Variants in MPRIP observed in about 807,000 individuals in gnomAD.
MPRIP encodes myosin phosphatase Rho-interacting protein.
Under a neutral mutation model 234.9 loss-of-function variants are expected in MPRIP, and 59 were observed. The observed-to-expected ratio is 0.25, with a 90% CI of 0.20 to 0.31. MPRIP has a LOEUF of 0.31. MPRIP is among the 10% of genes least tolerant of loss of function. The pLI, the probability that MPRIP is intolerant of heterozygous loss-of-function variation, is 1.00. For synonymous variants in MPRIP, 1,144 were observed against 1,263.9 expected, an observed-to-expected ratio of 0.91 and a Z score of 2.01; for missense variants, 2,436 against 3,071.0, an observed-to-expected ratio of 0.79 and a Z score of 4.89.
chr17:17,110,085 G>A (rs1431158573), intron 3 of MPRIP, among the ~76,000 whole-genome samples: 2 of 152,104 alleles, frequency 1.3e-5, no homozygotes, highest in African/African-American at 2.4e-5. Flanking sequence ...TGCCCTGGGC[G>A]GGGCAGCAAG....
In MPRIP at chr17:17,190,603, C is replaced by T. The variant is rs1215265334; in HGVS notation, c.*5709C>T. On this transcript the variant is annotated 3_prime_UTR_variant, in exon 24 of 24. Transcript: ENST00000651222. ...GTTCATTCTTTTGCCCTTTTCAGAA[C>T]TGTGAGCTTCAAGTATTCTTGCTTC... 1 of 152,228 alleles carries T rather than the reference C, an allele frequency of 6.6e-6. No homozygotes were observed. Among genetic ancestry groups the T allele is most frequent in the Non-Finnish European group, 1.5e-5 (1 of 68,042 alleles). The allele number at this position is 152,228 out of a possible 1,614,324, so 9.4% of individuals were successfully genotyped here.
At chr17:17,100,624 C>T (rs2089941518) in intron 3 of MPRIP, among the ~76,000 whole-genome samples, 1 of 152,012 alleles carries the variant, frequency 6.6e-6, no homozygotes, top group Non-Finnish European at 1.5e-5. Context: ...TTCTGAACTG[C>T]ACATGCAAGG....
chr17:17,176,573 CCTGAACTCAGG>C, intron 21 of MPRIP, 61 bp downstream of exon 21: 9 of 1,285,732 alleles, frequency 7.0e-6, no homozygotes, highest in Non-Finnish European at 9.1e-6. Context: ...ACATGCGCCT[CCTGAACTCAGG>C]CTGGTGCTCA....
At chr17:17,047,636 T>C (rs376526446) in intron 1 of MPRIP, among the ~76,000 whole-genome samples, 27 of 152,316 alleles carry the variant, frequency 1.8e-4, no homozygotes, top group East Asian at 1.5e-3. Context: ...AATCAGACTC[T>C]AGGGACAGGA....
chr17:17,143,505 A>G (rs1290706966), intron 8 of MPRIP, 51 bp from the exon 9 acceptor site: 2 of 1,265,812 alleles, frequency 1.6e-6, no homozygotes, highest in African/African-American at 1.5e-5. Context: ...CGTCCCTCAC[A>G]TGCCCACATT....
At chr17:17,144,841 C>G (rs1174749767) in intron 9 of MPRIP, among the ~76,000 whole-genome samples, 1 of 152,088 alleles carries the variant, frequency 6.6e-6, no homozygotes, top group South Asian at 2.1e-4. Flanking sequence ...GGCGACAGAG[C>G]GAGACTCCGT....
intron 3 of MPRIP, among the ~76,000 whole-genome samples, chr17:17,086,927 T>C (rs371798620): frequency 2.0e-5 from 3 of 151,790 alleles, no homozygotes; most frequent in South Asian, 2.1e-4. Flanking sequence ...AGTTGGGAGG[T>C]TGGGGGAGAA....
At chr17:17,057,854 AT>A (rs2088752495) in intron 1 of MPRIP, 1 of 596,958 alleles carries the variant, frequency 1.7e-6, no homozygotes, top group African/African-American at 1.9e-5. Flanking sequence ...TTGCAGTAAT[AT>A]TTTTTAATAG....
intron 3 of MPRIP, among the ~76,000 whole-genome samples, chr17:17,118,130 C>G (rs1597833914): frequency 6.6e-6 from 1 of 152,224 alleles, no homozygotes; most frequent in Admixed American, 6.5e-5. Context: ...CCCTGGCTGG[C>G]CAAAGCTGCC....
At position 17,138,503 on chromosome 17, in the gene MPRIP, C is replaced by G. The variant is rs1424664017; in HGVS notation, c.1250+74C>G. The G allele has an allele frequency of 6.2e-6, 1 of 161,136 alleles. No individual in the cohort carries two copies. The highest frequency in any genetic ancestry group is 6.4e-5 in the Admixed American group (1 of 15,612). The allele number at this position is 161,136 out of a possible 1,614,324, so 10.0% of individuals were successfully genotyped here. Reference sequence around the variant, plus strand: ...TTCCACCCACGCACATACACTCATACTCTCTGTTTCTCTCACATACAGTCC... The same window carrying G: ...TTCCACCCACGCACATACACTCATAGTCTCTGTTTCTCTCACATACAGTCC... On this transcript the variant is annotated intron_variant, in intron 7 of 23. Coordinates refer to ENST00000651222, the MANE Select transcript of MPRIP (RefSeq NM_001364716.4). The surrounding 1 kb of genome is among the most constrained non-coding windows in gnomAD (Gnocchi z 5.8).
chr17:17,068,087 A>G (rs943590811), intron 1 of MPRIP, among the ~76,000 whole-genome samples: 14 of 151,608 alleles, frequency 9.2e-5, no homozygotes, highest in African/African-American at 2.2e-4. Flanking sequence ...TTTATTTCTG[A>G]TAACAATTTG....
chr17:17,161,251 C>T lies in MPRIP; in HGVS notation c.2412C>T (p.Ser804=). 6.2e-7 allele frequency: 1 copy of T among 1,600,770 alleles called. No individual in the cohort carries two copies. Among genetic ancestry groups the T allele is most frequent in the South Asian group, 1.1e-5 (1 of 89,924 alleles). Residue 804 remains serine, a synonymous_variant, in exon 15 of 24, where the codon AGC becomes AGT. Coordinates refer to ENST00000651222, the MANE Select transcript of MPRIP (RefSeq NM_001364716.4). The part of the protein sequence containing the change: ...TSLLEKELEQ[S]QKEASDLLEQ... ...CTTTTTGCCAACAGCTGGAGCAGAG[C>T]CAGAAGGAGGCCTCAGACCTTCTGG...
At chr17:17,109,989 A>G (rs1300511594) in intron 3 of MPRIP, among the ~76,000 whole-genome samples, 2 of 152,110 alleles carry the variant, frequency 1.3e-5, no homozygotes, top group Non-Finnish European at 2.9e-5. Flanking sequence ...CTCACGTTGA[A>G]ATGTGTTCCC....
chr17:17,096,733 A>G (rs1477474373), intron 3 of MPRIP: 3 of 470,920 alleles, frequency 6.4e-6, no homozygotes, highest in Admixed American at 2.3e-5. Flanking sequence ...CCAGGGCCTC[A>G]GAGCACTAAT....
intron 3 of MPRIP, among the ~76,000 whole-genome samples, chr17:17,122,335 G>GT (rs887536005): frequency 4.1e-4 from 63 of 151,902 alleles, no homozygotes; most frequent in African/African-American, 1.4e-3. Context: ...TCATTTTGTT[G>GT]TTTTTTTGTT....
At chr17:17,175,709 A>G (rs1174355930) in intron 20 of MPRIP, among the ~76,000 whole-genome samples, 1 of 152,192 alleles carries the variant, frequency 6.6e-6, no homozygotes, top group Non-Finnish European at 1.5e-5. Context: ...ACTCAAAAGG[A>G]CACGTTCTGT....
chr17:17,173,485 A>G (rs2046188890), intron 18 of MPRIP, among the ~76,000 whole-genome samples: 1 of 152,198 alleles, frequency 6.6e-6, no homozygotes, highest in Non-Finnish European at 1.5e-5. Flanking sequence ...CACCTGCAGG[A>G]GGACGGCCCT....
intron 1 of MPRIP, among the ~76,000 whole-genome samples, chr17:17,043,374 C>G (rs890834894): frequency 6.6e-6 from 1 of 152,132 alleles, no homozygotes. Flanking sequence ...TGTGGGCTTC[C>G]GTCTAGTGGG....
At chr17:17,180,203 A>G in intron 23 of MPRIP, 115 bp downstream of exon 23, 2 of 907,750 alleles carry the variant, frequency 2.2e-6, no homozygotes, top group Non-Finnish European at 3.4e-6. Context: ...CCCAGGGCCC[A>G]GCACTGAGCC....
Sources: gnomAD v4.1 joint callset for allele counts (sites outside exome capture counted in the v4.1 genomes callset) on GRCh38, gnomAD v4.1.1 for gene constraint, Gnocchi (gnomAD v3.1) non-coding constraint, MANE v1.5 for transcripts, NCBI Gene and HGNC (gene_info 2026-07-23, HGNC 2026-07-21) for gene names.